NIM1K: variants seen among roughly 807,000 people sequenced by gnomAD.
NIM1K encodes the protein NIM1 serine/threonine protein kinase, also known as serine/threonine-protein kinase NIM1.
NIM1K carries 35 observed loss-of-function variants against 37.1 expected under a neutral mutation model. That is an observed-to-expected ratio of 0.94 (90% CI 0.72 to 1.25). The LOEUF (loss-of-function observed/expected upper bound fraction) is 1.25. Among genes scored for constraint, NIM1K ranks in the 50% most tolerant of loss-of-function variants. NIM1K has a pLI of 0.00. For synonymous variants in NIM1K, 234 were observed against 206.6 expected (o/e 1.13, Z -1.14); for missense variants, 564 against 548.0 (o/e 1.03, Z -0.29).
chr5:43,228,445 C>T (rs79737040), intron 1 of NIM1K, among the ~76,000 whole-genome samples: 6,135 of 152,044 alleles, frequency 0.04, 173 homozygotes, highest in Middle Eastern at 0.1. Flanking sequence ...CGCACCCGGC[C>T]GAGACCTGTT....
At chr5:43,207,645 A>G (rs115448939) in intron 1 of NIM1K, 5 of 602,864 alleles carry the variant, frequency 8.3e-6, no homozygotes, top group African/African-American at 1.8e-5. Flanking sequence ...AACTGTGTCA[A>G]TCTGACGGAA....
intron 1 of NIM1K, among the ~76,000 whole-genome samples, chr5:43,201,409 A>G (rs201041531): frequency 5.6e-3 from 1 of 178 alleles, no homozygotes; most frequent in Non-Finnish European, 0.031. Context: ...ACTCCGTCTC[A>G]AAAAAAAAAA....
intron 1 of NIM1K, among the ~76,000 whole-genome samples, chr5:43,202,341 G>C (rs1053876412): frequency 3.9e-5 from 6 of 152,128 alleles, no homozygotes; most frequent in African/African-American, 1.4e-4. Context: ...AAGCCACTGT[G>C]CCTAGCCCCC....
At position 43,280,693 on chromosome 5, in the gene NIM1K, G is replaced by A; in HGVS notation, c.1275G>A (p.Gly425=). The A allele has an allele frequency of 6.2e-7, 1 of 1,604,244 alleles. No individual in the cohort carries two copies. ...DLKKGSRVYR[G]IRHTSKFCSI... ...AAAAAGGGTCCCGTGTCTACAGAGG[G>A]ATAAGACACACATCCAAATTTTGCT... The change falls in exon 4 of 4, where the codon GGG becomes GGA. Residue 425 remains glycine, a synonymous_variant. Coordinates refer to ENST00000326035, the MANE Select transcript of NIM1K (RefSeq NM_153361.4).
intron 1 of NIM1K, among the ~76,000 whole-genome samples, chr5:43,231,144 A>G (rs1305645613): frequency 1.3e-5 from 2 of 152,146 alleles, no homozygotes; most frequent in Non-Finnish European, 2.9e-5. Context: ...ATAGTGAGAC[A>G]CCATCTCTAC....
intron 1 of NIM1K, among the ~76,000 whole-genome samples, chr5:43,209,717 C>T (rs1336293734): frequency 1.3e-5 from 2 of 152,016 alleles, no homozygotes; most frequent in Non-Finnish European, 1.5e-5. Flanking sequence ...CTCCCAGGTC[C>T]AAGTGATCCT....
intron 2 of NIM1K, among the ~76,000 whole-genome samples, chr5:43,252,673 T>C (rs1351506998): frequency 1.3e-5 from 2 of 152,150 alleles, no homozygotes; most frequent in African/African-American, 2.4e-5. Context: ...TTTATTTTTA[T>C]AGCTCACAGT....
chr5:43,255,286 C>T (rs1481074009), intron 2 of NIM1K, among the ~76,000 whole-genome samples: 1 of 152,214 alleles, frequency 6.6e-6, no homozygotes, highest in Non-Finnish European at 1.5e-5. Context: ...TCAGCAAATA[C>T]TTGTTGAGCA....
At chr5:43,268,890 TC>T (rs1753211263) in intron 2 of NIM1K, among the ~76,000 whole-genome samples, 1 of 151,090 alleles carries the variant, frequency 6.6e-6, no homozygotes, top group Admixed American at 6.6e-5. Context: ...AGATCAGATG[TC>T]CCCCACTGCC....
intron 2 of NIM1K, among the ~76,000 whole-genome samples, chr5:43,252,755 T>C (rs1311237512): frequency 1.3e-5 from 2 of 152,072 alleles, no homozygotes; most frequent in African/African-American, 4.8e-5. Flanking sequence ...TTTAGGCTGA[T>C]TAGAAATTTC....
At chr5:43,269,222 A>G (rs1753216572) in intron 2 of NIM1K, among the ~76,000 whole-genome samples, 1 of 140,332 alleles carries the variant, frequency 7.1e-6, no homozygotes, top group African/African-American at 2.6e-5. Context: ...AGGCAGGAGA[A>G]TTGCTTGTAC....
intron 1 of NIM1K, among the ~76,000 whole-genome samples, chr5:43,242,579 C>T (rs1380711366): frequency 1.3e-5 from 2 of 151,632 alleles, no homozygotes; most frequent in Non-Finnish European, 2.9e-5. Flanking sequence ...AAAGGGAGCC[C>T]AAATCTTAAA....
At chr5:43,198,517 TAA>T (rs1159149203) in intron 1 of NIM1K, among the ~76,000 whole-genome samples, 1 of 148,352 alleles carries the variant, frequency 6.7e-6, no homozygotes, top group Non-Finnish European at 1.5e-5. Context: ...TACTTGAACT[TAA>T]AAAAAAAAGA....
intron 1 of NIM1K, among the ~76,000 whole-genome samples, chr5:43,197,285 T>C (rs1293462881): frequency 6.6e-6 from 1 of 151,874 alleles, no homozygotes; most frequent in Non-Finnish European, 1.5e-5. Context: ...TGCACCATCA[T>C]GTCCAGCTAA....
chr5:43,277,815 T>TGAGAGAGA (rs34538655), intron 3 of NIM1K, among the ~76,000 whole-genome samples: 11 of 128,940 alleles, frequency 8.5e-5, no homozygotes, highest in African/African-American at 2.0e-4. Flanking sequence ...TGTGTGTGTG[T>TGAGAGAGA]GAGAGAGAGA....
intron 2 of NIM1K, among the ~76,000 whole-genome samples, chr5:43,248,356 T>C (rs1752814881): frequency 6.6e-6 from 1 of 152,192 alleles, no homozygotes; most frequent in South Asian, 2.1e-4. Context: ...ATGAAGACTT[T>C]AAAATTTTTG....
chr5:43,258,932 A>G (rs1480136246), intron 2 of NIM1K, among the ~76,000 whole-genome samples: 1 of 131,322 alleles, frequency 7.6e-6, no homozygotes, highest in African/African-American at 3.0e-5. Context: ...CTCCCACCCT[A>G]CCCCTTCTAA....
intron 1 of NIM1K, chr5:43,232,442 A>C: frequency 6.7e-7 from 1 of 1,485,530 alleles, no homozygotes; most frequent in Non-Finnish European, 9.4e-7. Flanking sequence ...GACTCCATCA[A>C]ATCTCAGGGA....
intron 2 of NIM1K, among the ~76,000 whole-genome samples, chr5:43,264,582 G>A (rs1193333818): frequency 6.6e-6 from 1 of 152,134 alleles, no homozygotes; most frequent in Non-Finnish European, 1.5e-5. Context: ...CAATTTGCCA[G>A]TCTATGTCTT....
Sources: gnomAD v4.1 joint callset for allele counts (sites outside exome capture counted in the v4.1 genomes callset) on GRCh38, gnomAD v4.1.1 for gene constraint, MANE v1.5 for transcripts, NCBI Gene and HGNC (gene_info 2026-07-23, HGNC 2026-07-21) for gene names.